SERPINI1: variants seen among roughly 807,000 people sequenced by gnomAD.
SERPINI1 encodes serpin family I member 1.
Under a neutral mutation model 41.1 loss-of-function variants are expected in SERPINI1, and 19 were observed. The ratio of observed to expected loss-of-function variants is 0.46; its 90% confidence interval spans 0.32 to 0.68. SERPINI1 has a LOEUF of 0.68. Ranked by LOEUF, SERPINI1 falls within the 30% of genes least tolerant of loss-of-function variation. The pLI is 0.03. For synonymous variants in SERPINI1, 138 were observed against 156.6 expected, an observed-to-expected ratio of 0.88 and a Z score of 0.89; for missense variants, 460 against 479.2, an observed-to-expected ratio of 0.96 and a Z score of 0.37.
intron 6 of SERPINI1, 60 bp downstream of exon 6, chr3:167,807,401 A>T (rs2108567339): frequency 9.2e-7 from 1 of 1,087,162 alleles, no homozygotes; most frequent in South Asian, 1.3e-5. Flanking sequence ...TTAAATGATG[A>T]TATTAAATCC....
chr3:167,764,588 TA>T (rs1726500584), intron 1 of SERPINI1, among the ~76,000 whole-genome samples: 1 of 152,164 alleles, frequency 6.6e-6, no homozygotes, highest in South Asian at 2.1e-4. Flanking sequence ...CATACCATGT[TA>T]TTCCACTTCT....
At chr3:167,775,686 G>A (rs1429869051) in intron 1 of SERPINI1, among the ~76,000 whole-genome samples, 1 of 125,296 alleles carries the variant, frequency 8.0e-6, no homozygotes, top group East Asian at 2.1e-4. Flanking sequence ...CTTGAACAAT[G>A]TAGACCTAGT....
intron 5 of SERPINI1, among the ~76,000 whole-genome samples, chr3:167,797,702 ATTCTT>A (rs1282138447): frequency 6.6e-6 from 1 of 150,672 alleles, no homozygotes; most frequent in African/African-American, 2.4e-5. Context: ...TTATAAGTCT[ATTCTT>A]AAGGAGAGGT....
At chr3:167,799,996 G>A (rs1727850163) in intron 5 of SERPINI1, 2 of 152,086 alleles carry the variant, frequency 1.3e-5, no homozygotes, top group African/African-American at 4.8e-5. Flanking sequence ...GCAGGGGAGG[G>A]TCGTGTAGAA....
chr3:167,762,806 T>G (rs1182721704), intron 1 of SERPINI1, among the ~76,000 whole-genome samples: 1 of 152,170 alleles, frequency 6.6e-6, no homozygotes, highest in Non-Finnish European at 1.5e-5. Flanking sequence ...CATTCTAATA[T>G]TCTACATGAC....
chr3:167,765,099 A>G (rs1350365854), intron 1 of SERPINI1, among the ~76,000 whole-genome samples: 1 of 152,164 alleles, frequency 6.6e-6, no homozygotes, highest in Non-Finnish European at 1.5e-5. Context: ...CAGTGCATCT[A>G]CCATTCTGGG....
intron 5 of SERPINI1, among the ~76,000 whole-genome samples, chr3:167,804,824 C>CA (rs1258028379): frequency 3.9e-5 from 6 of 152,060 alleles, no homozygotes; most frequent in Non-Finnish European, 8.8e-5. Context: ...GCCTGGGTGA[C>CA]AGAGTGAAAC....
intron 3 of SERPINI1, among the ~76,000 whole-genome samples, chr3:167,792,096 G>C (rs1727538844): frequency 6.6e-6 from 1 of 152,054 alleles, no homozygotes; most frequent in Non-Finnish European, 1.5e-5. Context: ...TTGCACTCCA[G>C]CCTAGGTGAC....
In SERPINI1 at chr3:167,789,333, C is replaced by A; in HGVS notation, c.205C>A (p.Gln69Lys). The A allele has an allele frequency of 6.2e-7, 1 of 1,614,132 alleles. No homozygotes were observed. Residue 69 changes from glutamine (Q) to lysine (K), a missense_variant, in exon 2 of 9, where the codon CAG becomes AAG. Coordinates refer to ENST00000446050, the MANE Select transcript of SERPINI1 (RefSeq NM_001122752.2). ...GGAACTTGGGGCCCAAGGATCTACC[C>A]AGAAAGAAATCCGCCACTCAATGGG... Reference protein sequence around the residue: ...MMELGAQGSTQKEIRHSMGYD... With the variant: ...MMELGAQGSTKKEIRHSMGYD...
chr3:167,747,827 A>G (rs779817141), intron 1 of SERPINI1, among the ~76,000 whole-genome samples: 1 of 152,206 alleles, frequency 6.6e-6, no homozygotes, highest in Non-Finnish European at 1.5e-5. Flanking sequence ...AAAGTAATGT[A>G]GAATAAAAAA....
intron 1 of SERPINI1, among the ~76,000 whole-genome samples, chr3:167,756,476 T>A (rs1237565451): frequency 6.6e-6 from 1 of 152,080 alleles, no homozygotes; most frequent in Non-Finnish European, 1.5e-5. Flanking sequence ...TTTTTGTTTT[T>A]GTTTTTGTTT....
intron 5 of SERPINI1, among the ~76,000 whole-genome samples, chr3:167,803,883 G>T (rs1486317043): frequency 1.3e-5 from 2 of 152,110 alleles, no homozygotes; most frequent in East Asian, 3.9e-4. Flanking sequence ...TATTACCTGA[G>T]AATAACAAAA....
At chr3:167,762,205 G>T (rs575856952) in intron 1 of SERPINI1, among the ~76,000 whole-genome samples, 1 of 151,828 alleles carries the variant, frequency 6.6e-6, no homozygotes, top group African/African-American at 2.4e-5. Flanking sequence ...ATACGTTGTC[G>T]GTGCTTCTCT....
At chr3:167,821,935 C>T (rs1049821741) in intron 6 of SERPINI1, among the ~76,000 whole-genome samples, 1 of 152,150 alleles carries the variant, frequency 6.6e-6, no homozygotes, top group African/African-American at 2.4e-5. Context: ...AGAATTCCTC[C>T]TTGCTTGGGA....
chr3:167,799,003 C>G (rs144051682), intron 5 of SERPINI1, among the ~76,000 whole-genome samples: 32 of 152,016 alleles, frequency 2.1e-4, no homozygotes, highest in African/African-American at 6.5e-4. Context: ...GTTTTTTTAG[C>G]TTTTTATTTT....
intron 6 of SERPINI1, among the ~76,000 whole-genome samples, chr3:167,817,006 G>A (rs1221015979): frequency 6.6e-6 from 1 of 152,058 alleles, no homozygotes; most frequent in Non-Finnish European, 1.5e-5. Context: ...AGCAGGTATG[G>A]AGGTTTGCAA....
At chr3:167,752,168 C>T (rs1229540776) in intron 1 of SERPINI1, among the ~76,000 whole-genome samples, 1 of 152,066 alleles carries the variant, frequency 6.6e-6, no homozygotes, top group Non-Finnish European at 1.5e-5. Context: ...CCATAGGGCA[C>T]CTCTTCTCCA....
rs545753312 is a variant in SERPINI1, at chr3:167,823,170, G to A, written c.1066+98G>A. 2.7e-5 allele frequency: 23 copies of A among 840,086 alleles called. No homozygotes were observed. The South Asian group carries it at 3.0e-4, about 11-fold the overall frequency. The allele number at this position is 840,086 out of a possible 1,614,324, so 52.0% of individuals were successfully genotyped here. On this transcript the variant is annotated intron_variant, in intron 7 of 8. Transcript: ENST00000446050. ...TCATTTTCAAAATGAAGCCAAAAAA[G>A]TCACTCTGCTCTAACTTAGAAGTCA...
chr3:167,774,635 A>G (rs1385047790), intron 1 of SERPINI1, among the ~76,000 whole-genome samples: 10 of 152,184 alleles, frequency 6.6e-5, no homozygotes, highest in African/African-American at 4.8e-5. Context: ...CTGTCAGACC[A>G]GCAGCAGCAT....
Sources: allele counts gnomAD v4.1 joint callset (sites outside exome capture counted in the v4.1 genomes callset), GRCh38; gene constraint gnomAD v4.1.1; transcripts MANE v1.5; gene names NCBI Gene and HGNC (gene_info 2026-07-23, HGNC 2026-07-21).